Variants in FBXO38 observed in about 807,000 individuals in gnomAD.
The protein encoded by FBXO38 is F-box only protein 38.
FBXO38 carries 53 observed loss-of-function variants against 131.9 expected under a neutral mutation model. The ratio of observed to expected loss-of-function variants is 0.40; its 90% CI spans 0.32 to 0.51. FBXO38 has a LOEUF of 0.51. FBXO38 is among the 20% of genes least tolerant of loss of function. FBXO38 has a pLI of 0.53. For missense variants in FBXO38, 1,076 were observed against 1,475.6 expected (o/e 0.73, Z 4.44); for synonymous variants, 452 against 505.6 (o/e 0.89, Z 1.42).
chr5:148,404,857 A>T (rs1239047409), intron 6 of FBXO38, 35 bp downstream of exon 6: 1 of 1,554,506 alleles, frequency 6.4e-7, no homozygotes. Flanking sequence ...ATTAAACATA[A>T]GTTATTCTAA....
At chr5:148,397,356 G>T (rs987388010) in intron 2 of FBXO38, among the ~76,000 whole-genome samples, 4 of 152,072 alleles carry the variant, frequency 2.6e-5, no homozygotes, top group Non-Finnish European at 4.4e-5. Context: ...AAATAATCTT[G>T]ATTTTGTGAT....
At position 148,427,376 on chromosome 5, in the gene FBXO38, G is replaced by GA; in HGVS notation, c.2090dup (p.Asn697LysfsTer44). ...AAGCAGCTAGGGATATTCCTGAAAA[G>GA]AAAAAAAACAAGGATGTTTATCCCA... On this transcript the variant is annotated frameshift_variant, in exon 15 of 22. Transcript: ENST00000340253. LOFTEE classifies it high-confidence loss of function. 2.5e-6 allele frequency: 4 copies of GA among 1,613,734 alleles called. No individual in the cohort carries two copies. The highest frequency in any genetic ancestry group is 2.5e-6 in the Non-Finnish European group (3 of 1,179,892).
rs76818493 is a variant in FBXO38 at position 148,398,476 on chromosome 5, C to T, written c.129-523C>T. Among the ~76,000 whole-genome samples, 834 of 150,546 alleles carry T rather than the reference C, an allele frequency of 5.5e-3. 32 individuals carry two copies. The East Asian group carries it at 0.1, about 19-fold the overall frequency. ...AAAAAATGGGAAAAGAAATTGTGTA[C>T]TATATGACTAGTATACATATTTGTT... On this transcript the variant is annotated intron_variant, in intron 2 of 21. Coordinates refer to ENST00000340253, the MANE Select transcript of FBXO38 (RefSeq NM_205836.3).
At chr5:148,405,921 A>G (rs1475482727) in intron 6 of FBXO38, among the ~76,000 whole-genome samples, 1 of 152,208 alleles carries the variant, frequency 6.6e-6, no homozygotes, top group Admixed American at 6.5e-5. Flanking sequence ...CTGGTCATAG[A>G]GATGATTAAA....
intron 7 of FBXO38, among the ~76,000 whole-genome samples, 186 bp downstream of exon 7, chr5:148,406,580 C>T (rs1055260639): frequency 1.3e-5 from 2 of 152,088 alleles, no homozygotes; most frequent in Non-Finnish European, 2.9e-5. Flanking sequence ...TTTTGGTGCA[C>T]ATTAAACTTT....
intron 20 of FBXO38, 121 bp downstream of exon 20, chr5:148,440,648 T>C (rs1257015612): frequency 8.4e-6 from 5 of 592,340 alleles, no homozygotes; most frequent in Non-Finnish European, 1.5e-5. Flanking sequence ...AAGACCGGCC[T>C]GGGAAACAAA....
At chr5:148,414,431 C>A in intron 10 of FBXO38, 125 bp downstream of exon 10, 1 of 910,068 alleles carries the variant, frequency 1.1e-6, no homozygotes, top group Non-Finnish European at 1.6e-6. Context: ...TTGGATTGTT[C>A]ATACAAGTTC....
intron 1 of FBXO38, among the ~76,000 whole-genome samples, chr5:148,388,646 C>T (rs1404477204): frequency 1.3e-5 from 2 of 152,320 alleles, no homozygotes; most frequent in South Asian, 2.1e-4. Context: ...AACTTTTCTT[C>T]TAAAACTTCC....
intron 18 of FBXO38, among the ~76,000 whole-genome samples, chr5:148,439,302 C>T (rs1182263690): frequency 6.6e-6 from 1 of 152,194 alleles, no homozygotes; most frequent in African/African-American, 2.4e-5. Flanking sequence ...GTATATGTTA[C>T]TACACATTCA....
At chr5:148,399,803 G>T (rs1288902060) in intron 3 of FBXO38, among the ~76,000 whole-genome samples, 3 of 151,990 alleles carry the variant, frequency 2.0e-5, no homozygotes, top group African/African-American at 7.2e-5. Context: ...CCATTAATTG[G>T]TAAAATTTAG....
chr5:148,440,368 G>C (rs1242644291), intron 19 of FBXO38, 56 bp from the exon 20 acceptor site: 8 of 1,067,878 alleles, frequency 7.5e-6, no homozygotes, highest in Non-Finnish European at 1.0e-5. Flanking sequence ...CTTCCTACCC[G>C]ACACTAATTA....
intron 7 of FBXO38, among the ~76,000 whole-genome samples, chr5:148,407,403 A>G (rs548546771): frequency 3.6e-4 from 55 of 152,308 alleles, no homozygotes; most frequent in African/African-American, 1.3e-3. Context: ...AGAAGTCAAC[A>G]TACCTCACAC....
At chr5:148,431,604 C>T (rs1443327024) in intron 15 of FBXO38, among the ~76,000 whole-genome samples, 1 of 152,104 alleles carries the variant, frequency 6.6e-6, no homozygotes, top group Non-Finnish European at 1.5e-5. Context: ...TTTGTTTGTT[C>T]ATTTTCATTT....
At chr5:148,439,562 C>T (rs1754552052) in intron 18 of FBXO38, 85 bp from the exon 19 acceptor site, 2 of 1,274,194 alleles carry the variant, frequency 1.6e-6, no homozygotes, top group Admixed American at 2.0e-5. Context: ...ACTGAAGGTC[C>T]ATGGAAAGAT....
intron 17 of FBXO38, among the ~76,000 whole-genome samples, chr5:148,436,797 T>G (rs1034687403): frequency 6.6e-6 from 1 of 152,240 alleles, no homozygotes; most frequent in African/African-American, 2.4e-5. Context: ...TCTGAAGTAG[T>G]AGTACTTTTC....
At chr5:148,390,929 A>G (rs1758165171) in intron 1 of FBXO38, among the ~76,000 whole-genome samples, 1 of 152,240 alleles carries the variant, frequency 6.6e-6, no homozygotes, top group Non-Finnish European at 1.5e-5. Context: ...TTTTTATTAA[A>G]GGAATAAAGA....
At chr5:148,394,943 A>G (rs1336832223) in intron 2 of FBXO38, 39 bp downstream of exon 2, 14 of 1,529,518 alleles carry the variant, frequency 9.2e-6, no homozygotes, top group Non-Finnish European at 1.2e-5. Context: ...CCTGGAATGG[A>G]TAAGAGCAAA....
chr5:148,404,217 A>G (rs1184194018), intron 5 of FBXO38, among the ~76,000 whole-genome samples: 1 of 152,190 alleles, frequency 6.6e-6, no homozygotes, highest in Admixed American at 6.5e-5. Flanking sequence ...ATCTATTTGC[A>G]TATTTAAACC....
At chr5:148,411,220 A>G (rs1245595427) in intron 9 of FBXO38, among the ~76,000 whole-genome samples, 1 of 152,166 alleles carries the variant, frequency 6.6e-6, no homozygotes, top group Non-Finnish European at 1.5e-5. Context: ...GATTTTCCAG[A>G]TAGTGTGAGC....
Sources: gnomAD v4.1 joint callset for allele counts (sites outside exome capture counted in the v4.1 genomes callset) on GRCh38, gnomAD v4.1.1 for gene constraint, MANE v1.5 for transcripts, NCBI Gene and HGNC (gene_info 2026-07-23, HGNC 2026-07-21) for gene names.